CEP164: variants seen among roughly 807,000 people sequenced by gnomAD.
The protein encoded by CEP164 is centrosomal protein 164.
CEP164 carries 162 observed loss-of-function variants against 182.7 expected under a neutral mutation model. The observed-to-expected ratio is 0.89, with a 90% confidence interval of 0.78 to 1.01. The LOEUF (loss-of-function observed/expected upper bound fraction) is 1.01, where lower values mean the gene tolerates loss of function less well. Among genes scored for constraint, CEP164 ranks in the 50% least tolerant of loss-of-function variants. The pLI, the probability that CEP164 is intolerant of heterozygous loss-of-function variation, is 0.00. For synonymous variants in CEP164, 661 were observed against 690.0 expected, an observed-to-expected ratio of 0.96 and a Z score of 0.66; for missense variants, 1,735 against 1,790.4, an observed-to-expected ratio of 0.97 and a Z score of 0.56.
At chr11:117,353,782 A>G (rs1169654977) in intron 5 of CEP164, among the ~76,000 whole-genome samples, 5 of 152,126 alleles carry the variant, frequency 3.3e-5, no homozygotes, top group Non-Finnish European at 7.4e-5. Flanking sequence ...GGTGGGGTTC[A>G]GTGTGAATGT....
chr11:117,378,458 T>G (rs1394691249), intron 11 of CEP164, among the ~76,000 whole-genome samples: 4 of 152,232 alleles, frequency 2.6e-5, no homozygotes, highest in Non-Finnish European at 5.9e-5. Flanking sequence ...TTCTGAGTTA[T>G]TTCATTTAGA....
intron 5 of CEP164, chr11:117,354,961 T>A: frequency 7.8e-7 from 1 of 1,287,946 alleles, no homozygotes; most frequent in Non-Finnish European, 1.0e-6. Context: ...GACTTCTGCC[T>A]CCTTCATCCT....
At chr11:117,327,536 A>G (rs1194971800), upstream of CEP164, among the ~76,000 whole-genome samples, 3 of 146,676 alleles carry the variant, frequency 2.0e-5, no homozygotes, top group Non-Finnish European at 4.5e-5. Context: ...TCCTGACCTC[A>G]GGTGACCCAC....
chr11:117,342,590 C>T (rs1377629548), intron 3 of CEP164, among the ~76,000 whole-genome samples: 1 of 152,096 alleles, frequency 6.6e-6, no homozygotes, highest in African/African-American at 2.4e-5. Context: ...ATTCTCCTGC[C>T]TCAGCTTCCT....
chr11:117,402,134 C>G (rs535773316), intron 27 of CEP164, among the ~76,000 whole-genome samples: 3 of 152,138 alleles, frequency 2.0e-5, no homozygotes, highest in African/African-American at 7.2e-5. Flanking sequence ...CCCTCTAAAC[C>G]CTGCTTTAGC....
At chr11:117,345,549 A>C (rs1384924292) in intron 4 of CEP164, among the ~76,000 whole-genome samples, 1 of 152,190 alleles carries the variant, frequency 6.6e-6, no homozygotes, top group African/African-American at 2.4e-5. Context: ...TTTTGTAGAC[A>C]AGGCGTAATC....
intron 10 of CEP164, 121 bp from the exon 11 acceptor site, chr11:117,375,587 G>A: frequency 1.4e-6 from 1 of 725,468 alleles, no homozygotes; most frequent in Non-Finnish European, 2.5e-6. Flanking sequence ...GAAATGTTTG[G>A]CACAGAGCTG....
chr11:117,397,204 T>A lies in CEP164; in HGVS notation c.3392T>A (p.Leu1131Gln). Residue 1131 changes from leucine (L) to glutamine (Q), a missense_variant, in exon 27 of 33, where the codon CTG becomes CAG. By Grantham distance (113) the Leu-to-Gln change is moderately radical. Coordinates refer to ENST00000278935, the MANE Select transcript of CEP164 (RefSeq NM_014956.5). ...TCCATGCGGAGGCGGCAGACAGCTC[T>A]GAAAGCTGCCCAGCAGCATTGGCGC... is the stretch of plus-strand genomic sequence containing the variant. ...TRSMRRRQTA[L>Q]KAAQQHWRHE... The A allele has an allele frequency of 6.2e-7, 1 of 1,614,248 alleles. No homozygotes were observed. The highest frequency in any genetic ancestry group is 8.5e-7 in the Non-Finnish European group (1 of 1,180,044).
At chr11:117,356,613 AC>A in intron 5 of CEP164, 1 of 1,284,730 alleles carries the variant, frequency 7.8e-7, no homozygotes, top group Non-Finnish European at 1.0e-6. Context: ...CAGCATCTCA[AC>A]CAGGTAGGCT....
chr11:117,368,359 G>A (rs1324968709), intron 8 of CEP164, among the ~76,000 whole-genome samples: 1 of 152,222 alleles, frequency 6.6e-6, no homozygotes, highest in African/African-American at 2.4e-5. Flanking sequence ...AGGAGAGGGT[G>A]TCTGAGGGTT....
chr11:117,371,375 C>T lies in CEP164; in HGVS notation c.1061C>T (p.Ala354Val). ...EKEAPEDTVD[A>V]GEEGSRREEA... ...GAAGCACCAGAGGACACAGTAGATG[C>T]AGGAGAGGAGGGTTCCAGGAGGGAA... The change falls in exon 9 of 33, where the codon GCA becomes GTA. Residue 354 changes from alanine to valine, a missense_variant. Ala to Val is a moderately conservative substitution (Grantham distance 64). Transcript: ENST00000278935. 1.9e-6 allele frequency: 3 copies of T among 1,614,150 alleles called. No individual in the cohort carries two copies. Among genetic ancestry groups the T allele is most frequent in the Non-Finnish European group, 2.5e-6 (3 of 1,180,018 alleles).
chr11:117,366,416 C>T (rs2041640836), intron 8 of CEP164, among the ~76,000 whole-genome samples: 1 of 152,154 alleles, frequency 6.6e-6, no homozygotes, highest in Admixed American at 6.5e-5. Context: ...TCTCCTCCCT[C>T]CTCTCCTGCT....
At chr11:117,362,601 A>G in intron 7 of CEP164, 63 bp downstream of exon 7, 2 of 1,546,078 alleles carry the variant, frequency 1.3e-6, no homozygotes, top group Non-Finnish European at 1.8e-6. Flanking sequence ...CCTTTTGAAA[A>G]TGTTTTTGCT....
chr11:117,373,017 A>G (rs1592231657), intron 9 of CEP164, among the ~76,000 whole-genome samples: 1 of 152,128 alleles, frequency 6.6e-6, no homozygotes, highest in East Asian at 1.9e-4. Context: ...GGCCTTTTAG[A>G]TTTTTCAACC....
intron 3 of CEP164, among the ~76,000 whole-genome samples, chr11:117,342,965 C>G (rs1300289573): frequency 6.6e-6 from 1 of 152,074 alleles, no homozygotes; most frequent in African/African-American, 2.4e-5. Context: ...CTGGCTGTCT[C>G]TTCTACTAGA....
At chr11:117,342,606 G>T (rs1044776464) in intron 3 of CEP164, among the ~76,000 whole-genome samples, 26 of 152,014 alleles carry the variant, frequency 1.7e-4, no homozygotes, top group Admixed American at 4.6e-4. Context: ...TTCCTAAGTG[G>T]CTGGGACTAT....
intron 27 of CEP164, among the ~76,000 whole-genome samples, chr11:117,404,557 A>G (rs940652691): frequency 6.6e-6 from 1 of 152,188 alleles, no homozygotes; most frequent in Non-Finnish European, 1.5e-5. Context: ...ACCAGATGCC[A>G]GCTGGAGCTC....
Position 117,409,369 on chromosome 11 carries a change from C to T in CEP164, c.3749-249C>T, listed in dbSNP as rs571028140. The T allele has an allele frequency of 3.5e-6, 2 of 575,550 alleles. No homozygotes were observed. Among genetic ancestry groups the T allele is most frequent in the Admixed American group, 3.1e-5 (1 of 32,474 alleles). The allele number at this position is 575,550 out of a possible 1,614,324, so 35.7% of individuals were successfully genotyped here. A position where few individuals can be genotyped will look rare whatever the true frequency, so the allele number is the denominator to read the frequency against. On this transcript the variant is annotated intron_variant, in intron 29 of 32. Coordinates refer to ENST00000278935, the MANE Select transcript of CEP164 (RefSeq NM_014956.5). The surrounding 1 kb of genome is among the most constrained non-coding windows in gnomAD (Gnocchi z 4.4). ...ACAGAAGGGCCCTCTCCCCTTCCTT[C>T]TCTCTGGGGTCCTGGGCCCTTCACC... is the stretch of plus-strand genomic sequence containing the variant.
chr11:117,374,509 G>T (rs1374473732), intron 10 of CEP164, among the ~76,000 whole-genome samples: 1 of 152,146 alleles, frequency 6.6e-6, no homozygotes, highest in Non-Finnish European at 1.5e-5. Context: ...ATATGAGGGG[G>T]TGCAGAAGAA....
Sources: allele counts gnomAD v4.1 joint callset (sites outside exome capture counted in the v4.1 genomes callset), GRCh38; gene constraint gnomAD v4.1.1; non-coding constraint Gnocchi (gnomAD v3.1); transcripts MANE v1.5; gene names NCBI Gene and HGNC (gene_info 2026-07-23, HGNC 2026-07-21).